RSPH1: variants seen among roughly 807,000 people sequenced by gnomAD.
RSPH1 encodes radial spoke head 1 homolog.
Under a neutral mutation model 44.2 loss-of-function variants are expected in RSPH1, and 32 were observed. The observed-to-expected ratio is 0.72, with a 90% CI of 0.55 to 0.97. The LOEUF is 0.97. RSPH1 is among the 50% of genes least tolerant of loss of function. The pLI is 0.00. For missense variants in RSPH1, 391 were observed against 398.7 expected, an observed-to-expected ratio of 0.98 and a Z score of 0.16; for synonymous variants, 134 against 147.3, an observed-to-expected ratio of 0.91 and a Z score of 0.65.
chr21:42,493,891 T>C (rs952623491), intron 1 of RSPH1, among the ~76,000 whole-genome samples: 21 of 152,166 alleles, frequency 1.4e-4, no homozygotes, highest in African/African-American at 4.8e-4. Flanking sequence ...GCTGAGACTA[T>C]AGGCATGCGC....
At chr21:42,485,880 G>A in intron 4 of RSPH1, 76 bp from the exon 5 acceptor site, 3 of 1,576,668 alleles carry the variant, frequency 1.9e-6, no homozygotes, top group Non-Finnish European at 2.6e-6. Flanking sequence ...CACAGACATT[G>A]ACATTGAGGG....
intron 3 of RSPH1, among the ~76,000 whole-genome samples, chr21:42,492,399 T>C (rs1008677690): frequency 2.0e-5 from 3 of 152,024 alleles, no homozygotes; most frequent in African/African-American, 7.2e-5. Flanking sequence ...TGGTCAGAAA[T>C]GGAAAATGCA....
intron 3 of RSPH1, among the ~76,000 whole-genome samples, 157 bp downstream of exon 3, chr21:42,492,601 T>A (rs2054246873): frequency 6.6e-6 from 1 of 152,236 alleles, no homozygotes; most frequent in Non-Finnish European, 1.5e-5. Flanking sequence ...TATTTCTGCA[T>A]CAACACTGTG....
rs139262173 is a variant in RSPH1 at position 42,491,736 on chromosome 21, C to T, written c.274+1022G>A. On this transcript the variant is annotated intron_variant, in intron 3 of 8. Coordinates refer to ENST00000291536, the MANE Select transcript of RSPH1 (RefSeq NM_080860.4). ...TCACTGACATCTATTAAAATAAGAA[C>T]CACCTACTGGTTCTTATTTTATCTA... is the stretch of plus-strand genomic sequence containing the variant. 3.8e-3 allele frequency among the ~76,000 whole-genome samples: 575 copies of T among 152,246 alleles called. 4 individuals are homozygous for T. The highest frequency in any genetic ancestry group is 0.012 in the African/African-American group (483 of 41,538).
At chr21:42,479,726 TACACACAC>T (rs141751119) in intron 6 of RSPH1, among the ~76,000 whole-genome samples, 33 of 145,232 alleles carry the variant, frequency 2.3e-4, no homozygotes, top group Non-Finnish European at 3.2e-4. Flanking sequence ...TGTAGGAGGT[TACACACAC>T]ACACACACAC....
At chr21:42,482,437 C>T (rs1660561524) in intron 6 of RSPH1, among the ~76,000 whole-genome samples, 200 bp downstream of exon 6, 1 of 152,136 alleles carries the variant, frequency 6.6e-6, no homozygotes. Flanking sequence ...TAGAGTTCTG[C>T]AATAAATGGG....
At position 42,492,879 on chromosome 21, in the gene RSPH1, TATATCATTC is replaced by T. The variant is rs2054249769; in HGVS notation, c.169-25_169-17del. The T allele has an allele frequency of 9.5e-6, 15 of 1,586,424 alleles. No homozygotes were observed. The highest frequency in any genetic ancestry group is 1.1e-5 in the Non-Finnish European group (13 of 1,154,884). ...TGTAGATCCCCTGAAACACATTGAT[TATATCATTC>T]ATATCATTGCTGAATGTAGCATTTG... On this transcript the variant is annotated splice_polypyrimidine_tract_variant and intron_variant, in intron 2 of 8. Coordinates refer to ENST00000291536, the MANE Select transcript of RSPH1 (RefSeq NM_080860.4).
intron 6 of RSPH1, among the ~76,000 whole-genome samples, chr21:42,477,915 T>C (rs970435419): frequency 6.6e-6 from 1 of 152,082 alleles, no homozygotes; most frequent in African/African-American, 2.4e-5. Flanking sequence ...ATTCTTTATA[T>C]AAATAATAAA....
intron 5 of RSPH1, 58 bp from the exon 6 acceptor site, chr21:42,482,766 C>T: frequency 1.6e-6 from 2 of 1,266,472 alleles, no homozygotes; most frequent in Non-Finnish European, 2.3e-6. Context: ...ATACAAAATA[C>T]AAATGTCACC....
chr21:42,476,034 G>A lies in RSPH1; in HGVS notation c.741C>T (p.Pro247=), dbSNP rs142166675. 1.9e-5 allele frequency: 30 copies of A among 1,613,288 alleles called. No homozygotes were observed. The highest frequency in any genetic ancestry group is 1.5e-4 in the Admixed American group (9 of 59,934). ...DAPGAESAGE[P]GEEAQALLEG... is the part of the protein sequence containing the mutation. ...CCAGCAGAGCCTGGGCCTCCTCCCCGGGTTCTCCTGCACCTGAGATAAAAC... is the reference window on the plus strand; with the variant it reads ...CCAGCAGAGCCTGGGCCTCCTCCCCAGGTTCTCCTGCACCTGAGATAAAAC... The change falls in exon 8 of 9, where the codon CCC becomes CCT. Residue 247 remains proline (P), a synonymous_variant. Transcript: ENST00000291536.
At position 42,485,738 on chromosome 21, in the gene RSPH1, T is replaced by C; in HGVS notation, c.432A>G (p.Gly144=). The change falls in exon 5 of 9, where the codon GGA becomes GGG. Residue 144 remains glycine, a synonymous_variant. Transcript: ENST00000291536. ...TGAGCTCGGCCGTGCCCTCCTGCTG[T>C]CCGTTCACCCAGGTGCCAACATACT... ...GSKYVGTWVN[G]QQEGTAELIH... The C allele has an allele frequency of 6.2e-7, 1 of 1,614,236 alleles. No homozygotes were observed. Among genetic ancestry groups the C allele is most frequent in the Non-Finnish European group, 8.5e-7 (1 of 1,180,036 alleles).
chr21:42,481,612 G>A (rs1337597189), intron 6 of RSPH1, among the ~76,000 whole-genome samples: 15 of 152,142 alleles, frequency 9.9e-5, no homozygotes, highest in Admixed American at 3.9e-4. Context: ...AAACAAAAGC[G>A]TGATTCCACA....
intron 7 of RSPH1, among the ~76,000 whole-genome samples, chr21:42,476,380 C>T (rs61656534): frequency 0.027 from 4,136 of 152,264 alleles, 179 homozygotes; most frequent in African/African-American, 0.093. Context: ...AGAGCTGGGA[C>T]AGAGGGCAGA....
intron 6 of RSPH1, among the ~76,000 whole-genome samples, chr21:42,477,950 T>C (rs1302539813): frequency 6.6e-6 from 1 of 152,208 alleles, no homozygotes; most frequent in Non-Finnish European, 1.5e-5. Context: ...GTTTTAGGCT[T>C]AGGCCTAAGA....
In RSPH1 at chr21:42,479,203, G is replaced by A. The variant is rs539433348; in HGVS notation, c.574-1759C>T. 7.2e-5 allele frequency among the ~76,000 whole-genome samples: 11 copies of A among 152,274 alleles called. No homozygotes were observed. The East Asian group carries it at 1.5e-3, about 21-fold the overall frequency. On this transcript the variant is annotated intron_variant, in intron 6 of 8. Coordinates refer to ENST00000291536, the MANE Select transcript of RSPH1 (RefSeq NM_080860.4). ...AGCTTGGCAAGCCCTACTCTAGAAGGGATACATTCCCCTTACTAGGGAGAG... is the reference window on the plus strand; with the variant it reads ...AGCTTGGCAAGCCCTACTCTAGAAGAGATACATTCCCCTTACTAGGGAGAG...
Position 42,480,672 on chromosome 21 carries a change from C to T in RSPH1, c.573+1965G>A, listed in dbSNP as rs538932806. Among the ~76,000 whole-genome samples, 3 of 139,054 alleles carry T rather than the reference C, an allele frequency of 2.2e-5. No homozygotes were observed. In the South Asian group the frequency reaches 7.3e-4, roughly 34 times the overall value. The allele number at this position is 139,054 out of a possible 152,430, so 91.2% of individuals were successfully genotyped here. A position where few individuals can be genotyped will look rare whatever the true frequency, so the allele number is the denominator to read the frequency against. On this transcript the variant is annotated intron_variant, in intron 6 of 8. Coordinates refer to ENST00000291536, the MANE Select transcript of RSPH1 (RefSeq NM_080860.4). ...AAAAAAAAAAAAAAAAAAAACCTGT[C>T]TGGAGAGCATTGAAGAGCATTGAAT...
intron 1 of RSPH1, 158 bp downstream of exon 1, chr21:42,495,975 C>A (rs1486898400): frequency 1.7e-5 from 12 of 704,742 alleles, no homozygotes; most frequent in Non-Finnish European, 3.0e-5. Context: ...CCAGGACGCA[C>A]GCAGGTGTGT....
intron 1 of RSPH1, among the ~76,000 whole-genome samples, chr21:42,494,227 CTG>C (rs1256293248): frequency 6.6e-6 from 1 of 152,082 alleles, no homozygotes; most frequent in Non-Finnish European, 1.5e-5. Context: ...TAACATCACA[CTG>C]TATTTCTTAA....
intron 3 of RSPH1, among the ~76,000 whole-genome samples, chr21:42,491,245 C>T (rs2054233511): frequency 6.6e-6 from 1 of 152,122 alleles, no homozygotes; most frequent in South Asian, 2.1e-4. Context: ...GTGGGGCAGT[C>T]TTGGAAACTG....
Sources: gnomAD v4.1 joint callset for allele counts (sites outside exome capture counted in the v4.1 genomes callset) on GRCh38, gnomAD v4.1.1 for gene constraint, MANE v1.5 for transcripts, NCBI Gene and HGNC (gene_info 2026-07-23, HGNC 2026-07-21) for gene names.